The following KIRREL3 variants were observed in gnomAD, a reference collection of about 807,000 sequenced individuals.
KIRREL3 encodes kirre like nephrin family adhesion molecule 3, also known as kin of IRRE-like protein 3.
KIRREL3 carries 36 observed loss-of-function variants against 89.7 expected under a neutral mutation model. That is an observed-to-expected ratio of 0.40 (90% CI 0.31 to 0.53). The LOEUF is 0.53. KIRREL3 is among the 20% of genes least tolerant of loss of function. The probability of loss-of-function intolerance (pLI) is 0.49; values close to 1 mark genes in which losing one functional copy is unlikely to be tolerated. For synonymous variants in KIRREL3, 445 were observed against 441.4 expected (o/e 1.01, Z -0.10); for missense variants, 864 against 1,056.6 (o/e 0.82, Z 2.53).
chr11:126,601,212 A>C lies in KIRREL3; in HGVS notation c.56-38300T>G, dbSNP rs1205927087. On this transcript the variant is annotated intron_variant, in intron 1 of 16. Transcript: ENST00000525144. The surrounding 1 kb of genome is among the most constrained non-coding windows in gnomAD (Gnocchi z 5.8). The stretch of plus-strand genomic sequence containing the variant: ...TTTATGTCTCTTCATGCTCTTGTTG[A>C]CAATAATAACTGATTGCTGCATCAA... Among the ~76,000 whole-genome samples, 1 of 152,186 alleles carries C rather than the reference A, an allele frequency of 6.6e-6. No individual in the cohort carries two copies. The highest frequency in any genetic ancestry group is 1.5e-5 in the Non-Finnish European group (1 of 68,044).
At position 126,812,504 on chromosome 11, in the gene KIRREL3, C is replaced by T. The variant is rs1951424552; in HGVS notation, c.55+187951G>A. On this transcript the variant is annotated intron_variant, in intron 1 of 16. Coordinates refer to ENST00000525144, the MANE Select transcript of KIRREL3 (RefSeq NM_032531.4). This position sits in a 1 kb window ranked among gnomAD's most constrained non-coding sequence, Gnocchi z 5.2. ...TCCCATGAAAGGCAAGACAGATGCA[C>T]ACGAGTCAGTTCTGCCACTCCAGTA... 1.3e-5 allele frequency among the ~76,000 whole-genome samples: 2 copies of T among 152,286 alleles called. No individual in the cohort carries two copies. Among genetic ancestry groups the T allele is most frequent in the South Asian group, 4.1e-4 (2 of 4,824 alleles).
In KIRREL3 at chr11:126,715,680, A is replaced by C. The variant is rs1947928254; in HGVS notation, c.56-152768T>G. Among the ~76,000 whole-genome samples the C allele has an allele frequency of 6.6e-6, 1 of 152,198 alleles. No individual in the cohort carries two copies. Among genetic ancestry groups the C allele is most frequent in the African/African-American group, 2.4e-5 (1 of 41,446 alleles). ...CATACTAAAGAGAAGAGCAAAAATG[A>C]GATTAGAAATAAAAGAAGGGCAGGC... On this transcript the variant is annotated intron_variant, in intron 1 of 16. Coordinates refer to ENST00000525144, the MANE Select transcript of KIRREL3 (RefSeq NM_032531.4). The surrounding 1 kb of genome is among the most constrained non-coding windows in gnomAD (Gnocchi z 4.4).
chr11:126,429,605 A>T lies in KIRREL3; in HGVS notation c.1697-317T>A, dbSNP rs1955055986. Among the ~76,000 whole-genome samples the T allele has an allele frequency of 6.6e-6, 1 of 152,158 alleles. No individual in the cohort carries two copies. On this transcript the variant is annotated intron_variant, in intron 14 of 16. Coordinates refer to ENST00000525144, the MANE Select transcript of KIRREL3 (RefSeq NM_032531.4). The surrounding 1 kb of genome is among the most constrained non-coding windows in gnomAD (Gnocchi z 5.2). The stretch of plus-strand genomic sequence containing the variant: ...AGCTAGGTCCTTTTCATCCTACTGA[A>T]TTCTCACTTCCTTCTAGAAGTCTTC...
chr11:126,736,704 G>A lies in KIRREL3; in HGVS notation c.56-173792C>T, dbSNP rs527568589. On this transcript the variant is annotated intron_variant, in intron 1 of 16. Coordinates refer to ENST00000525144, the MANE Select transcript of KIRREL3 (RefSeq NM_032531.4). This position sits in a 1 kb window ranked among gnomAD's most constrained non-coding sequence, Gnocchi z 5.0. ...GATTATCCTACCCAAAACGTCATTCGTGCTGAGGTTGAGAAACCCTGGTCT... is the reference window on the plus strand; with the variant it reads ...GATTATCCTACCCAAAACGTCATTCATGCTGAGGTTGAGAAACCCTGGTCT... Among the ~76,000 whole-genome samples the A allele has an allele frequency of 1.3e-5, 2 of 152,256 alleles. No homozygotes were observed. Among genetic ancestry groups the A allele is most frequent in the South Asian group, 2.1e-4 (1 of 4,820 alleles).
chr11:126,668,693 TTTTCTTTCTTTC>T lies in KIRREL3; in HGVS notation c.56-105793_56-105782del, dbSNP rs57753203. On this transcript the variant is annotated intron_variant, in intron 1 of 16. Transcript: ENST00000525144. The surrounding 1 kb of genome is among the most constrained non-coding windows in gnomAD (Gnocchi z 4.4). The stretch of plus-strand genomic sequence containing the variant: ...TAAAGAGCTGTTGGGAAGTTTCTGT[TTTTCTTTCTTTC>T]TTTCTTTCTTTCTTTCTTTCTTTCT... 0.039 allele frequency among the ~76,000 whole-genome samples: 4,887 copies of T among 126,690 alleles called. 102 individuals carry two copies. Among genetic ancestry groups the T allele is most frequent in the Middle Eastern group, 0.073 (19 of 260 alleles). 83.1% of individuals were successfully genotyped at this position (126,690 alleles called of 152,430 possible).
intron 2 of KIRREL3, among the ~76,000 whole-genome samples, chr11:126,556,498 G>A (rs574129272): frequency 2.0e-5 from 3 of 152,216 alleles, no homozygotes; most frequent in Admixed American, 6.5e-5. Context: ...AAAATTAGCT[G>A]GGCATGGTGG....
chr11:126,596,471 C>T (rs1363678901), intron 1 of KIRREL3, among the ~76,000 whole-genome samples: 1 of 152,238 alleles, frequency 6.6e-6, no homozygotes, highest in Non-Finnish European at 1.5e-5. Flanking sequence ...TCTCCTTTCA[C>T]TATACTCTGT....
chr11:126,735,666 G>C (rs576889676), intron 1 of KIRREL3, among the ~76,000 whole-genome samples: 1 of 152,188 alleles, frequency 6.6e-6, no homozygotes, highest in South Asian at 2.1e-4. Flanking sequence ...CTGTAACTCT[G>C]GTTTAGGGAC....
chr11:126,567,294 C>A (rs1232396685), intron 1 of KIRREL3, among the ~76,000 whole-genome samples: 1 of 152,174 alleles, frequency 6.6e-6, no homozygotes, highest in African/African-American at 2.4e-5. Context: ...GTGATAGACA[C>A]ATATACAGGG....
intron 1 of KIRREL3, among the ~76,000 whole-genome samples, chr11:126,963,982 T>C (rs1949184844): frequency 1.3e-5 from 2 of 152,034 alleles, no homozygotes; most frequent in Admixed American, 6.6e-5. Flanking sequence ...ACAGAAAAAA[T>C]TAGAAAGCCA....
At chr11:126,902,889 A>G (rs966186932) in intron 1 of KIRREL3, among the ~76,000 whole-genome samples, 2 of 152,238 alleles carry the variant, frequency 1.3e-5, no homozygotes, top group African/African-American at 4.8e-5. Flanking sequence ...TCTCTCAGAA[A>G]GACTTTTCTT....
intron 1 of KIRREL3, among the ~76,000 whole-genome samples, chr11:126,831,945 C>A (rs552090389): frequency 2.9e-4 from 44 of 152,314 alleles, no homozygotes; most frequent in Admixed American, 2.5e-3. Flanking sequence ...CTGGTTGACA[C>A]ACAGATATTA....
At position 126,441,116 on chromosome 11, in the gene KIRREL3, G is replaced by T. The variant is rs1955547996; in HGVS notation, c.1253-567C>A. 6.6e-6 allele frequency among the ~76,000 whole-genome samples: 1 copy of T among 152,228 alleles called. No individual in the cohort carries two copies. The highest frequency in any genetic ancestry group is 6.5e-5 in the Admixed American group (1 of 15,280). ...GGGCGGGAATCACCCCGGACAGGGG[G>T]AATGCATGCGCTGGCCGTGTTCACA... On this transcript the variant is annotated intron_variant, in intron 10 of 16. Coordinates refer to ENST00000525144, the MANE Select transcript of KIRREL3 (RefSeq NM_032531.4). The surrounding 1 kb of genome is among the most constrained non-coding windows in gnomAD (Gnocchi z 5.0).
Position 126,765,121 on chromosome 11 carries a change from A to G in KIRREL3, c.56-202209T>C, listed in dbSNP as rs372777608. On this transcript the variant is annotated intron_variant, in intron 1 of 16. Transcript: ENST00000525144. ...AAAGAGTTTCTGGAATCTTCAAGCCATCTATGGTTGCAGAATGGTAACTGA... is the reference window on the plus strand; with the variant it reads ...AAAGAGTTTCTGGAATCTTCAAGCCGTCTATGGTTGCAGAATGGTAACTGA... Among the ~76,000 whole-genome samples the G allele has an allele frequency of 3.3e-5, 5 of 152,336 alleles. No individual in the cohort carries two copies. In the East Asian group the frequency reaches 9.7e-4, roughly 29 times the overall value.
At chr11:126,862,694 A>T (rs1944743223) in intron 1 of KIRREL3, among the ~76,000 whole-genome samples, 1 of 152,084 alleles carries the variant, frequency 6.6e-6, no homozygotes, top group East Asian at 1.9e-4. Context: ...GACTACTCCC[A>T]CCGTCCACCC....
In KIRREL3 at chr11:126,683,846, G is replaced by A. The variant is rs1465976492; in HGVS notation, c.56-120934C>T. Among the ~76,000 whole-genome samples, 2 of 152,202 alleles carry A rather than the reference G, an allele frequency of 1.3e-5. No individual in the cohort carries two copies. Among genetic ancestry groups the A allele is most frequent in the African/African-American group, 4.8e-5 (2 of 41,452 alleles). ...AACAGGAAGCCGTCTTGAAACCCTC[G>A]CCAGGCCCCAGACGCGCGTGGGTCC... On this transcript the variant is annotated intron_variant, in intron 1 of 16. Transcript: ENST00000525144. This position sits in a 1 kb window ranked among gnomAD's most constrained non-coding sequence, Gnocchi z 5.2.
At chr11:126,966,989 C>T (rs946805210) in intron 1 of KIRREL3, among the ~76,000 whole-genome samples, 8 of 152,106 alleles carry the variant, frequency 5.3e-5, no homozygotes, top group Admixed American at 2.6e-4. Context: ...AATTCTTGAG[C>T]GAGAAGGGCA....
rs543871404 is a variant in KIRREL3, at chr11:126,525,904, G to T, written c.283+634C>A. Among the ~76,000 whole-genome samples, 11 of 152,280 alleles carry T rather than the reference G, an allele frequency of 7.2e-5. No homozygotes were observed. The highest frequency in any genetic ancestry group is 3.4e-3 in the Middle Eastern group (1 of 294). ...CACAATAGTTAACAAATGATCTGTT[G>T]TCAGCACTGGCCAGTGAGTTCACGT... On this transcript the variant is annotated intron_variant, in intron 3 of 16. Transcript: ENST00000525144. This position sits in a 1 kb window ranked among gnomAD's most constrained non-coding sequence, Gnocchi z 5.4.
Position 126,555,810 on chromosome 11 carries a change from G to A in KIRREL3, c.133+7025C>T, listed in dbSNP as rs1034409308. ...GGCTGGAGTGCAGTGGCACGATCTC[G>A]GCTCACTGCAACCTCCGCCTCCCAG... On this transcript the variant is annotated intron_variant, in intron 2 of 16. Transcript: ENST00000525144. This position sits in a 1 kb window ranked among gnomAD's most constrained non-coding sequence, Gnocchi z 4.2. Among the ~76,000 whole-genome samples, 20 of 150,470 alleles carry A rather than the reference G, an allele frequency of 1.3e-4. No individual in the cohort carries two copies. The highest frequency in any genetic ancestry group is 4.7e-4 in the African/African-American group (19 of 40,848).
Sources: allele counts gnomAD v4.1 joint callset (sites outside exome capture counted in the v4.1 genomes callset), GRCh38; gene constraint gnomAD v4.1.1; non-coding constraint Gnocchi (gnomAD v3.1); transcripts MANE v1.5; gene names NCBI Gene and HGNC (gene_info 2026-07-23, HGNC 2026-07-21).